The following FRS2 variants were observed in gnomAD, a reference collection of about 807,000 sequenced individuals.
FRS2 encodes the protein fibroblast growth factor receptor substrate 2, also known as FGFR signalling adaptor.
In FRS2, 8 loss-of-function variants were observed where a neutral mutation model predicts 43.9. The observed-to-expected ratio is 0.18, with a 90% CI of 0.11 to 0.33. The LOEUF (loss-of-function observed/expected upper bound fraction) is 0.33. Among genes scored for constraint, FRS2 ranks in the 10% least tolerant of loss-of-function variants. The pLI, the probability that FRS2 is intolerant of heterozygous loss-of-function variation, is 1.00. For missense variants in FRS2, 534 were observed against 627.6 expected, an observed-to-expected ratio of 0.85 and a Z score of 1.59; for synonymous variants, 219 against 220.3, an observed-to-expected ratio of 0.99 and a Z score of 0.05.
chr12:69,562,169 T>A lies in FRS2; in HGVS notation c.-121-11T>A. The A allele has an allele frequency of 7.5e-6, 3 of 398,024 alleles. No homozygotes were observed. The highest frequency in any genetic ancestry group is 8.9e-6 in the Non-Finnish European group (2 of 225,726). 24.7% of individuals were successfully genotyped at this position (398,024 alleles called of 1,614,324 possible). ...AATGAGAAATTCTCAATGTTTTTCT[T>A]CTGTTTTTAGGTTAAATCAGCAAAC... On this transcript the variant is annotated splice_polypyrimidine_tract_variant and intron_variant, in intron 3 of 8. Transcript: ENST00000549921.
chr12:69,560,180 A>G (rs1879763753), intron 3 of FRS2, among the ~76,000 whole-genome samples: 1 of 152,254 alleles, frequency 6.6e-6, no homozygotes, highest in Non-Finnish European at 1.5e-5. Flanking sequence ...CTGTGCTTAC[A>G]GTGCAAACGT....
chr12:69,511,913 T>C (rs1413755325), intron 1 of FRS2, among the ~76,000 whole-genome samples: 2 of 152,210 alleles, frequency 1.3e-5, no homozygotes, highest in African/African-American at 2.4e-5. Flanking sequence ...ACTCTTTATC[T>C]GTTTAATGAG....
At chr12:69,545,202 T>C (rs1189785154) in intron 3 of FRS2, among the ~76,000 whole-genome samples, 1 of 152,166 alleles carries the variant, frequency 6.6e-6, no homozygotes, top group Non-Finnish European at 1.5e-5. Context: ...TGTTAAGATG[T>C]GAATACTAAA....
chr12:69,498,795 T>C (rs1472735528), intron 1 of FRS2, among the ~76,000 whole-genome samples: 2 of 152,158 alleles, frequency 1.3e-5, no homozygotes, highest in African/African-American at 4.8e-5. Context: ...GCCAAGCACA[T>C]AAAGTCAGGT....
intron 1 of FRS2, among the ~76,000 whole-genome samples, chr12:69,494,745 T>C (rs1872732655): frequency 6.6e-6 from 1 of 152,182 alleles, no homozygotes; most frequent in South Asian, 2.1e-4. Flanking sequence ...TAAGTTCTCC[T>C]GTGCTATAGC....
At chr12:69,522,174 T>C (rs1388154504) in intron 1 of FRS2, among the ~76,000 whole-genome samples, 2 of 150,096 alleles carry the variant, frequency 1.3e-5, no homozygotes, top group Non-Finnish European at 3.0e-5. Context: ...ATCAAGGATA[T>C]TGGCTGAAGT....
At chr12:69,557,615 TGTGTGCGCGCGC>T (rs1172783880) in intron 3 of FRS2, among the ~76,000 whole-genome samples, 1 of 121,958 alleles carries the variant, frequency 8.2e-6, no homozygotes, top group Non-Finnish European at 1.6e-5. Flanking sequence ...TGTGTGTGTG[TGTGTGCGCGCGC>T]GCGCGCGCGC....
intron 1 of FRS2, among the ~76,000 whole-genome samples, chr12:69,524,525 G>A (rs1017573089): frequency 1.1e-4 from 16 of 151,976 alleles, no homozygotes; most frequent in Admixed American, 8.5e-4. Flanking sequence ...CCTGGGGGCT[G>A]CACTGCATGC....
rs1233172586 is a variant in FRS2, at chr12:69,577,440, T to C, written c.*2485T>C. 1.3e-5 allele frequency: 2 copies of C among 152,220 alleles called. No homozygotes were observed. Among genetic ancestry groups the C allele is most frequent in the African/African-American group, 4.8e-5 (2 of 41,454 alleles). The allele number at this position is 152,220 out of a possible 1,614,324, so 9.4% of individuals were successfully genotyped here. On this transcript the variant is annotated 3_prime_UTR_variant, in exon 9 of 9. Coordinates refer to ENST00000549921, the MANE Select transcript of FRS2 (RefSeq NM_001278356.2). ...AAGGATGTACCTATTACTAGGTGCA[T>C]TTTAGAATGAAATATTGATATTTTA...
chr12:69,478,522 CA>C (rs1400510483), intron 1 of FRS2, among the ~76,000 whole-genome samples: 1 of 152,168 alleles, frequency 6.6e-6, no homozygotes, highest in East Asian at 1.9e-4. Context: ...ATCTTCATGA[CA>C]CCTCTCACCT....
At chr12:69,515,102 A>G (rs1041595151) in intron 1 of FRS2, among the ~76,000 whole-genome samples, 1 of 152,238 alleles carries the variant, frequency 6.6e-6, no homozygotes, top group Admixed American at 6.5e-5. Flanking sequence ...AACCTGCCCA[A>G]GATTGTACAG....
intron 1 of FRS2, among the ~76,000 whole-genome samples, chr12:69,528,999 T>G (rs1307075526): frequency 6.6e-6 from 1 of 151,986 alleles, no homozygotes; most frequent in Non-Finnish European, 1.5e-5. Context: ...GTAGATGAGG[T>G]AAGAGAGATG....
chr12:69,532,554 C>A (rs1279569285), intron 3 of FRS2, among the ~76,000 whole-genome samples: 1 of 152,128 alleles, frequency 6.6e-6, no homozygotes, highest in East Asian at 1.9e-4. Flanking sequence ...AGCAAAGCTT[C>A]TTTTATAAAC....
intron 3 of FRS2, among the ~76,000 whole-genome samples, chr12:69,557,619 T>TGCGCGCGCGCGCGCGCGC (rs529133007): frequency 2.5e-5 from 3 of 118,966 alleles, no homozygotes; most frequent in Non-Finnish European, 5.8e-5. Context: ...TGTGTGTGTG[T>TGCGCGCGCGCGCGCGCGC]GCGCGCGCGC....
At chr12:69,524,118 T>TG (rs1359833163) in intron 1 of FRS2, among the ~76,000 whole-genome samples, 1 of 152,076 alleles carries the variant, frequency 6.6e-6, no homozygotes, top group Non-Finnish European at 1.5e-5. Flanking sequence ...TGGGCACTCA[T>TG]GGGGGCAGTC....
chr12:69,515,797 G>A (rs1344317392), intron 1 of FRS2, among the ~76,000 whole-genome samples: 1 of 147,620 alleles, frequency 6.8e-6, no homozygotes, highest in Non-Finnish European at 1.5e-5. Flanking sequence ...GTTTGAATCT[G>A]TGCTTTCCCT....
intron 1 of FRS2, among the ~76,000 whole-genome samples, chr12:69,502,308 G>A (rs1209981997): frequency 6.6e-6 from 1 of 151,948 alleles, no homozygotes; most frequent in Non-Finnish European, 1.5e-5. Context: ...TTATTAGAAT[G>A]GACTTCACTG....
rs1255432604 is a variant in FRS2 at position 69,574,640 on chromosome 12, T to C, written c.1212T>C (p.Ala404=). Residue 404 remains alanine, a synonymous_variant, in exon 9 of 9, where the codon GCT becomes GCC. Coordinates refer to ENST00000549921, the MANE Select transcript of FRS2 (RefSeq NM_001278356.2). The stretch of plus-strand genomic sequence containing the variant: ...AGAATGTAACAGTGCCAGCAAGTGC[T>C]CACAAAATAGAATATTCAAGGCGTC... The part of the protein sequence containing the change: ...NTENVTVPAS[A]HKIEYSRRRD... 1 of 1,614,122 alleles carries C rather than the reference T, an allele frequency of 6.2e-7. No homozygotes were observed. Among genetic ancestry groups the C allele is most frequent in the South Asian group, 1.1e-5 (1 of 91,078 alleles).
At chr12:69,480,861 G>T (rs545037356) in intron 1 of FRS2, among the ~76,000 whole-genome samples, 2 of 152,218 alleles carry the variant, frequency 1.3e-5, no homozygotes, top group South Asian at 4.2e-4. Flanking sequence ...GTTTGTTTCT[G>T]CTGGCTGTTG....
Sources: gnomAD v4.1 joint callset for allele counts (sites outside exome capture counted in the v4.1 genomes callset) on GRCh38, gnomAD v4.1.1 for gene constraint, MANE v1.5 for transcripts, NCBI Gene and HGNC (gene_info 2026-07-23, HGNC 2026-07-21) for gene names.